The following GPC5 variants were observed in gnomAD, a reference collection of about 807,000 sequenced individuals.
GPC5 encodes the protein glypican-5.
In GPC5, 47 loss-of-function variants were observed where a neutral mutation model predicts 53.9. The ratio of observed to expected loss-of-function variants is 0.87; its 90% CI spans 0.69 to 1.11. GPC5 has a LOEUF of 1.11. Among genes scored for constraint, GPC5 ranks in the 50% most tolerant of loss-of-function variants. GPC5 has a pLI of 0.00. For synonymous variants in GPC5, 286 were observed against 263.3 expected (o/e 1.09, Z -0.84); for missense variants, 748 against 713.1 (o/e 1.05, Z -0.56).
At chr13:92,105,300 C>T (rs1009693002) in intron 6 of GPC5, among the ~76,000 whole-genome samples, 1 of 152,012 alleles carries the variant, frequency 6.6e-6, no homozygotes, top group African/African-American at 2.4e-5. Context: ...TTTAAATGCT[C>T]TTGGTAAAGA....
chr13:92,189,770 T>A (rs1337759731), intron 7 of GPC5, among the ~76,000 whole-genome samples: 1 of 152,034 alleles, frequency 6.6e-6, no homozygotes, highest in Non-Finnish European at 1.5e-5. Context: ...AGGTAGAAAT[T>A]CCAGGAAAGA....
At chr13:92,271,167 T>C (rs2139155377) in intron 7 of GPC5, among the ~76,000 whole-genome samples, 1 of 152,324 alleles carries the variant, frequency 6.6e-6, no homozygotes. Context: ...CCTTTGTTTC[T>C]GAACAATGTC....
intron 7 of GPC5, among the ~76,000 whole-genome samples, chr13:92,746,633 A>G (rs1338391151): frequency 6.6e-6 from 1 of 152,130 alleles, no homozygotes; most frequent in Non-Finnish European, 1.5e-5. Context: ...AGAGTTTACA[A>G]TATTGTTTAA....
intron 2 of GPC5, among the ~76,000 whole-genome samples, chr13:91,514,443 A>G (rs1034058397): frequency 1.4e-4 from 22 of 152,196 alleles, no homozygotes; most frequent in Admixed American, 1.4e-3. Flanking sequence ...GTATATGCTC[A>G]TCAGTGAAAT....
chr13:92,536,079 T>A (rs1383423122), intron 7 of GPC5, among the ~76,000 whole-genome samples: 4 of 152,158 alleles, frequency 2.6e-5, no homozygotes, highest in Non-Finnish European at 5.9e-5. Context: ...TGGATGAGTG[T>A]TACAATATAT....
chr13:92,480,340 A>G (rs575501472), intron 7 of GPC5, among the ~76,000 whole-genome samples: 27 of 152,222 alleles, frequency 1.8e-4, no homozygotes, highest in African/African-American at 6.3e-4. Flanking sequence ...ATGTGCAGGG[A>G]AAAAAAGTAA....
At chr13:92,339,891 T>A (rs2139246739) in intron 7 of GPC5, 1 of 152,266 alleles carries the variant, frequency 6.6e-6, no homozygotes, top group East Asian at 1.9e-4. Flanking sequence ...GTCTTTACAA[T>A]GAATTAAATG....
rs910150487 is a variant in GPC5 at position 92,547,639 on chromosome 13, A to T, written c.1562-318643A>T. On this transcript the variant is annotated intron_variant, in intron 7 of 7. Transcript: ENST00000377067. Reference sequence around the variant, plus strand: ...AGCCCCAGACAGCCAGGTTTTCAAGATCTATTCTTCTTTGAAAGCCATATA... The same window carrying T: ...AGCCCCAGACAGCCAGGTTTTCAAGTTCTATTCTTCTTTGAAAGCCATATA... 7.2e-5 allele frequency among the ~76,000 whole-genome samples: 11 copies of T among 152,216 alleles called. 1 individual carries two copies. In the East Asian group the frequency reaches 2.1e-3, roughly 29 times the overall value.
At chr13:92,626,297 A>G (rs927276400) in intron 7 of GPC5, among the ~76,000 whole-genome samples, 1 of 152,190 alleles carries the variant, frequency 6.6e-6, no homozygotes, top group Non-Finnish European at 1.5e-5. Flanking sequence ...AGAGCAGTCA[A>G]GGAAGGATAT....
intron 6 of GPC5, among the ~76,000 whole-genome samples, chr13:92,046,163 C>T (rs917766735): frequency 6.6e-6 from 1 of 151,842 alleles, no homozygotes; most frequent in African/African-American, 2.4e-5. Flanking sequence ...TAAGATTGAT[C>T]TTTTATGAAA....
chr13:91,914,934 G>A (rs563047738), intron 6 of GPC5, among the ~76,000 whole-genome samples: 4 of 152,294 alleles, frequency 2.6e-5, no homozygotes, highest in South Asian at 2.1e-4. Flanking sequence ...TACCGAATGA[G>A]TTAATCATAA....
chr13:91,617,804 G>A (rs946393798), intron 2 of GPC5, among the ~76,000 whole-genome samples: 5 of 152,122 alleles, frequency 3.3e-5, no homozygotes, highest in Non-Finnish European at 5.9e-5. Context: ...TAAATGGCAA[G>A]ATAGTAAACA....
chr13:92,145,805 T>C (rs1594781405), intron 7 of GPC5, among the ~76,000 whole-genome samples: 1 of 152,252 alleles, frequency 6.6e-6, no homozygotes, highest in East Asian at 1.9e-4. Flanking sequence ...TCTGGAAAGG[T>C]GCAGTCATAT....
chr13:91,828,869 T>C (rs1255440103), intron 5 of GPC5, among the ~76,000 whole-genome samples: 1 of 151,804 alleles, frequency 6.6e-6, no homozygotes, highest in African/African-American at 2.4e-5. Context: ...AAAGAAGAGG[T>C]TGGAAAGTCA....
At chr13:91,546,471 A>G (rs950406702) in intron 2 of GPC5, among the ~76,000 whole-genome samples, 1 of 152,124 alleles carries the variant, frequency 6.6e-6, no homozygotes, top group Non-Finnish European at 1.5e-5. Flanking sequence ...TGATAAGCCA[A>G]ACAATTCCAA....
intron 5 of GPC5, among the ~76,000 whole-genome samples, chr13:91,896,382 G>T (rs1331982845): frequency 1.3e-5 from 2 of 152,106 alleles, no homozygotes; most frequent in African/African-American, 4.8e-5. Context: ...GCCTCCCAAA[G>T]TGTTGGGATT....
intron 7 of GPC5, among the ~76,000 whole-genome samples, chr13:92,757,005 A>G (rs1223026674): frequency 2.6e-5 from 4 of 151,978 alleles, no homozygotes; most frequent in Admixed American, 6.6e-5. Flanking sequence ...TGGAACCAAA[A>G]AAGAGCCCGC....
At chr13:91,767,492 C>T (rs1191833697) in intron 5 of GPC5, among the ~76,000 whole-genome samples, 1 of 152,184 alleles carries the variant, frequency 6.6e-6, no homozygotes. Flanking sequence ...AAATAAATTT[C>T]TGAAGCCAGG....
intron 7 of GPC5, among the ~76,000 whole-genome samples, chr13:92,512,030 A>G (rs1880584032): frequency 6.6e-6 from 1 of 152,214 alleles, no homozygotes; most frequent in Non-Finnish European, 1.5e-5. Context: ...AGAATCAGTC[A>G]GTGGGAAAGA....
Sources: gnomAD v4.1 joint callset for allele counts (sites outside exome capture counted in the v4.1 genomes callset) on GRCh38, gnomAD v4.1.1 for gene constraint, MANE v1.5 for transcripts, NCBI Gene and HGNC (gene_info 2026-07-23, HGNC 2026-07-21) for gene names.